Variants in ARID2 observed in about 807,000 individuals in gnomAD.
ARID2 encodes the protein AT-rich interaction domain 2.
ARID2 carries 32 observed loss-of-function variants against 184.6 expected under a neutral mutation model. The observed-to-expected ratio is 0.17, with a 90% CI of 0.13 to 0.23. The LOEUF (loss-of-function observed/expected upper bound fraction) is 0.23. Ranked by LOEUF, ARID2 falls within the 10% of genes least tolerant of loss-of-function variation. The pLI is 1.00. For synonymous variants in ARID2, 836 were observed against 772.6 expected (o/e 1.08, Z -1.36); for missense variants, 1,696 against 2,197.6 (o/e 0.77, Z 4.56).
chr12:45,732,055 T>C (rs1056730270), intron 3 of ARID2, among the ~76,000 whole-genome samples: 3 of 151,910 alleles, frequency 2.0e-5, no homozygotes, highest in African/African-American at 4.8e-5. Context: ...CTAGATGATA[T>C]ATTTTGTGAT....
At chr12:45,863,336 A>G (rs1943780792) in intron 16 of ARID2, among the ~76,000 whole-genome samples, 1 of 152,224 alleles carries the variant, frequency 6.6e-6, no homozygotes, top group Non-Finnish European at 1.5e-5. Flanking sequence ...ATTCATATTT[A>G]GTTCCAGTTC....
chr12:45,829,202 T>C (rs1592102573), intron 6 of ARID2, among the ~76,000 whole-genome samples: 1 of 152,044 alleles, frequency 6.6e-6, no homozygotes, highest in East Asian at 1.9e-4. Context: ...ACCAATCATA[T>C]ATGTATAGAT....
chr12:45,889,853 G>A (rs142587352), intron 16 of ARID2, among the ~76,000 whole-genome samples: 4 of 152,196 alleles, frequency 2.6e-5, no homozygotes, highest in Non-Finnish European at 2.9e-5. Flanking sequence ...CAGGAGAATC[G>A]CTTGAACCCG....
intron 10 of ARID2, among the ~76,000 whole-genome samples, chr12:45,838,630 G>C (rs1943265677): frequency 6.6e-6 from 1 of 152,080 alleles, no homozygotes; most frequent in Admixed American, 6.5e-5. Flanking sequence ...ACCAGATGTA[G>C]TGGTGCATGC....
At chr12:45,815,934 T>C (rs2138089408) in intron 4 of ARID2, among the ~76,000 whole-genome samples, 1 of 152,318 alleles carries the variant, frequency 6.6e-6, no homozygotes, top group Non-Finnish European at 1.5e-5. Context: ...GTGTTGGGAT[T>C]ATAGGCATGA....
intron 3 of ARID2, among the ~76,000 whole-genome samples, chr12:45,802,547 T>C: frequency 6.6e-6 from 1 of 152,196 alleles, no homozygotes; most frequent in East Asian, 1.9e-4. Context: ...GTAGATTGTC[T>C]TTATTGCCTT....
At chr12:45,858,819 T>C (rs1398835275) in intron 15 of ARID2, among the ~76,000 whole-genome samples, 2 of 152,230 alleles carry the variant, frequency 1.3e-5, no homozygotes, top group Admixed American at 6.5e-5. Flanking sequence ...ATTTGTGATA[T>C]CTCTACGGCC....
chr12:45,787,316 C>G (rs1402274953), intron 3 of ARID2, among the ~76,000 whole-genome samples: 2 of 151,628 alleles, frequency 1.3e-5, no homozygotes, highest in Non-Finnish European at 2.9e-5. Context: ...CTCCCAGGCT[C>G]AAGTGATCCT....
At chr12:45,735,418 CGTGT>C (rs56133410) in intron 3 of ARID2, among the ~76,000 whole-genome samples, 2,293 of 141,322 alleles carry the variant, frequency 0.016, 22 homozygotes, top group South Asian at 0.039. Flanking sequence ...TAAACTGTAT[CGTGT>C]GTGTGTGTGT....
intron 6 of ARID2, among the ~76,000 whole-genome samples, chr12:45,824,707 C>A (rs966147181): frequency 6.6e-6 from 1 of 151,756 alleles, no homozygotes; most frequent in African/African-American, 2.4e-5. Context: ...TTATGGAAAA[C>A]GGTATCCCAC....
intron 3 of ARID2, among the ~76,000 whole-genome samples, chr12:45,772,937 A>C (rs1180842364): frequency 1.3e-5 from 2 of 152,210 alleles, no homozygotes; most frequent in African/African-American, 4.8e-5. Context: ...GCAGAACACT[A>C]TCCAACAGTA....
intron 3 of ARID2, among the ~76,000 whole-genome samples, chr12:45,777,166 T>C (rs947944060): frequency 5.3e-5 from 8 of 151,894 alleles, no homozygotes; most frequent in African/African-American, 1.7e-4. Flanking sequence ...GATGATAATA[T>C]ATAAGAAGAG....
chr12:45,887,976 A>G (rs777715532), intron 16 of ARID2, among the ~76,000 whole-genome samples: 21 of 152,192 alleles, frequency 1.4e-4, no homozygotes, highest in Non-Finnish European at 2.8e-4. Context: ...CGGGCGGATC[A>G]CGAGGTCAGG....
At chr12:45,817,137 C>A (rs1203688511) in intron 4 of ARID2, among the ~76,000 whole-genome samples, 2 of 152,140 alleles carry the variant, frequency 1.3e-5, no homozygotes, top group African/African-American at 4.8e-5. Context: ...CGGAGAATTG[C>A]ATAAACTCGG....
chr12:45,889,767 G>A (rs1010306030), intron 16 of ARID2, among the ~76,000 whole-genome samples: 23 of 152,174 alleles, frequency 1.5e-4, no homozygotes, highest in Non-Finnish European at 2.8e-4. Flanking sequence ...GCGAAACCCC[G>A]TCTTGCCTAA....
chr12:45,753,081 T>C (rs906991348), intron 3 of ARID2, among the ~76,000 whole-genome samples: 5 of 152,030 alleles, frequency 3.3e-5, no homozygotes, highest in South Asian at 2.1e-4. Flanking sequence ...CTGACCAACA[T>C]GGAGAAACCC....
At chr12:45,788,093 A>C (rs1468285819) in intron 3 of ARID2, among the ~76,000 whole-genome samples, 1 of 152,202 alleles carries the variant, frequency 6.6e-6, no homozygotes, top group Non-Finnish European at 1.5e-5. Context: ...TCACATAGTT[A>C]TCATTTTTAT....
chr12:45,852,967 C>T, intron 15 of ARID2, 71 bp downstream of exon 15: 1 of 1,446,512 alleles, frequency 6.9e-7, no homozygotes, highest in South Asian at 1.5e-5. Context: ...GAGGGAAATG[C>T]ACTGTTTTCC....
At chr12:45,820,928 G>A (rs1942884098) in intron 5 of ARID2, among the ~76,000 whole-genome samples, 1 of 152,180 alleles carries the variant, frequency 6.6e-6, no homozygotes, top group Admixed American at 6.5e-5. Flanking sequence ...CAAGCGTGAT[G>A]TAGGCCTCAG....
Sources: allele counts gnomAD v4.1 joint callset (sites outside exome capture counted in the v4.1 genomes callset), GRCh38; gene constraint gnomAD v4.1.1; transcripts MANE v1.5; gene names NCBI Gene and HGNC (gene_info 2026-07-23, HGNC 2026-07-21).